CCNH: variants seen among roughly 807,000 people sequenced by gnomAD.
CCNH encodes the protein cyclin H.
In CCNH, 31 loss-of-function variants were observed where a neutral mutation model predicts 41.9. The ratio of observed to expected loss-of-function variants is 0.74; its 90% CI spans 0.56 to 1.00. The LOEUF (loss-of-function observed/expected upper bound fraction) is 1.00, where lower values mean the gene tolerates loss of function less well. Among genes scored for constraint, CCNH ranks in the 50% least tolerant of loss-of-function variants. CCNH has a pLI of 0.00. For missense variants in CCNH, 362 were observed against 388.4 expected (o/e 0.93, Z 0.57); for synonymous variants, 138 against 136.1 (o/e 1.01, Z -0.10).
intron 9 of CCNH, among the ~76,000 whole-genome samples, chr5:87,342,028 C>T (rs1222058926): frequency 6.6e-6 from 1 of 152,076 alleles, no homozygotes; most frequent in African/African-American, 2.4e-5. Context: ...AAGATATATT[C>T]TGAGTTCATT....
chr5:87,369,892 C>G, intron 9 of CCNH: 1 of 1,605,552 alleles, frequency 6.2e-7, no homozygotes, highest in South Asian at 1.1e-5. Context: ...AACTCCAGAA[C>G]AAGCAGAGGT....
chr5:87,312,237 T>C, the CCNH span, among the ~76,000 whole-genome samples: 4 of 152,232 alleles, frequency 2.6e-5, no homozygotes, highest in African/African-American at 9.7e-5. Flanking sequence ...GTAATAGTCT[T>C]CATATACTAT....
chr5:87,368,505 C>T (rs1760691662), intron 9 of CCNH, among the ~76,000 whole-genome samples: 1 of 152,114 alleles, frequency 6.6e-6, no homozygotes, highest in South Asian at 2.1e-4. Context: ...AGACATTGTA[C>T]ATGAAAAACT....
Position 87,327,742 on chromosome 5 carries a change from A to T in CCNH, c.*91-8845T>A, listed in dbSNP as rs570233780. 3.0e-4 allele frequency among the ~76,000 whole-genome samples: 46 copies of T among 152,298 alleles called. 1 individual carries two copies. The South Asian group carries it at 3.5e-3, about 12-fold the overall frequency. ...CACTTTGGGAGGCCGAGGCAGGCAG[A>T]TTACCTGAGGTCAGTAGCTCGGGAC... On this transcript the variant is annotated intron_variant and NMD_transcript_variant, in intron 9 of 9. Transcript: ENST00000645953.
At chr5:87,406,359 A>C in intron 4 of CCNH, among the ~76,000 whole-genome samples, 1 of 152,146 alleles carries the variant, frequency 6.6e-6, no homozygotes, top group Non-Finnish European at 1.5e-5. Flanking sequence ...AGTCTCTTCC[A>C]TAAAACAAAA....
chr5:87,390,754 C>A, downstream of CCNH: 1 of 1,514,792 alleles, frequency 6.6e-7, no homozygotes, highest in African/African-American at 1.4e-5. Flanking sequence ...CCTGAAATTG[C>A]TGACCGAGCT....
chr5:87,311,942 T>G, the CCNH span, among the ~76,000 whole-genome samples: 1 of 152,238 alleles, frequency 6.6e-6, no homozygotes, highest in South Asian at 2.1e-4. Context: ...CTTTGGAATA[T>G]CCAAGGTGTG....
chr5:87,374,697 T>C (rs940647443), downstream of CCNH: 7 of 1,187,826 alleles, frequency 5.9e-6, no homozygotes, highest in South Asian at 2.9e-5. Context: ...TAATAAAATA[T>C]GTTGTGAATC....
At chr5:87,335,573 C>T (rs1225029909) in intron 9 of CCNH, among the ~76,000 whole-genome samples, 2 of 151,544 alleles carry the variant, frequency 1.3e-5, no homozygotes, top group Non-Finnish European at 2.9e-5. Flanking sequence ...CTATGGGCGT[C>T]TGCCACCACA....
the CCNH span, among the ~76,000 whole-genome samples, chr5:87,312,519 A>C: frequency 6.6e-6 from 1 of 152,242 alleles, no homozygotes; most frequent in East Asian, 1.9e-4. Context: ...TATAACCTAC[A>C]GAAACAGAAG....
chr5:87,376,378 G>T lies in CCNH; in HGVS notation n.803C>A, dbSNP rs1009450326. Reference sequence around the variant, plus strand: ...TTCTCTTTTTAAACAATAATTGCTTGTTTTTCTTCCCAAGTATTTATGCGC... The same window carrying T: ...TTCTCTTTTTAAACAATAATTGCTTTTTTTTCTTCCCAAGTATTTATGCGC... On this transcript the variant is annotated non_coding_transcript_exon_variant, in exon 1 of 1. Coordinates refer to the CCNH transcript ENST00000607486. 21 of 1,613,428 alleles carry T rather than the reference G, an allele frequency of 1.3e-5. No individual in the cohort carries two copies. Among genetic ancestry groups the T allele is most frequent in the Non-Finnish European group, 1.8e-5 (21 of 1,179,790 alleles).
At chr5:87,406,263 C>T (rs1763782003) in intron 4 of CCNH, among the ~76,000 whole-genome samples, 1 of 152,082 alleles carries the variant, frequency 6.6e-6, no homozygotes, top group South Asian at 2.1e-4. Context: ...CATGCCAACC[C>T]CCTTCCATCT....
chr5:87,399,014 CT>C (rs1456169540), intron 7 of CCNH, among the ~76,000 whole-genome samples: 4 of 151,908 alleles, frequency 2.6e-5, no homozygotes, highest in Non-Finnish European at 5.9e-5. Flanking sequence ...TTTCTCTACT[CT>C]AGCTAACAGA....
At chr5:87,392,546 T>C (rs1201191523), downstream of CCNH, 1 of 347,976 alleles carries the variant, frequency 2.9e-6, no homozygotes, top group Non-Finnish European at 5.7e-6. Flanking sequence ...GTCTCCTTCC[T>C]TGGTTACATG....
intron 9 of CCNH, chr5:87,349,307 T>G: frequency 1.2e-6 from 2 of 1,612,200 alleles, no homozygotes. Context: ...ATTCAGCGAT[T>G]TAAAATATGT....
chr5:87,364,038 G>C (rs1760319020), intron 9 of CCNH, among the ~76,000 whole-genome samples: 1 of 152,004 alleles, frequency 6.6e-6, no homozygotes, highest in Non-Finnish European at 1.5e-5. Flanking sequence ...TCCAGCTCTT[G>C]ATTACATCTA....
intron 9 of CCNH, among the ~76,000 whole-genome samples, chr5:87,354,269 G>T (rs1759490391): frequency 6.6e-6 from 1 of 151,900 alleles, no homozygotes; most frequent in Non-Finnish European, 1.5e-5. Context: ...TTCAAAGATA[G>T]TTTTTTTTAC....
At chr5:87,366,407 T>G (rs1210035472) in intron 9 of CCNH, 1 of 399,530 alleles carries the variant, frequency 2.5e-6, no homozygotes, top group Non-Finnish European at 5.1e-6. Context: ...ACATTACACT[T>G]GATGGTAAAA....
chr5:87,394,664 C>A, intron 8 of CCNH, 180 bp from the exon 9 acceptor site: 1 of 1,396,186 alleles, frequency 7.2e-7, no homozygotes, highest in Non-Finnish European at 9.3e-7. Flanking sequence ...CCAGACTCCT[C>A]CAGTGAGGAA....
Sources: allele counts gnomAD v4.1 joint callset (sites outside exome capture counted in the v4.1 genomes callset), GRCh38; gene constraint gnomAD v4.1.1; transcripts MANE v1.5; gene names NCBI Gene and HGNC (gene_info 2026-07-23, HGNC 2026-07-21).